Variants in RAD51B observed in about 807,000 individuals in gnomAD.
RAD51B encodes RAD51 paralog B, also known as DNA repair protein RAD51 homolog 2.
RAD51B carries 38 observed loss-of-function variants against 42.2 expected under a neutral mutation model. That is an observed-to-expected ratio of 0.90 (90% confidence interval 0.70 to 1.18). The LOEUF (loss-of-function observed/expected upper bound fraction) is 1.18, where lower values mean the gene tolerates loss of function less well. Among genes scored for constraint, RAD51B ranks in the 50% most tolerant of loss-of-function variants. The pLI is 0.00. For synonymous variants in RAD51B, 154 were observed against 145.2 expected, an observed-to-expected ratio of 1.06 and a Z score of -0.43; for missense variants, 373 against 400.7, an observed-to-expected ratio of 0.93 and a Z score of 0.59.
chr14:67,868,900 A>T (rs1188675611), intron 5 of RAD51B, among the ~76,000 whole-genome samples: 3 of 152,280 alleles, frequency 2.0e-5, no homozygotes, highest in African/African-American at 7.2e-5. Context: ...GAAAACTAAC[A>T]AACAGAAAGG....
intron 7 of RAD51B, among the ~76,000 whole-genome samples, chr14:68,116,053 A>G (rs201835596): frequency 6.6e-6 from 1 of 151,766 alleles, no homozygotes; most frequent in Non-Finnish European, 1.5e-5. Context: ...GGGTACTTAT[A>G]CCATTGAGTT....
At chr14:67,838,981 T>C (rs1302974272) in intron 4 of RAD51B, among the ~76,000 whole-genome samples, 1 of 152,156 alleles carries the variant, frequency 6.6e-6, no homozygotes, top group Non-Finnish European at 1.5e-5. Context: ...AATAGCATGG[T>C]GAGAAACATT....
chr14:68,055,546 A>G (rs2140428358), intron 7 of RAD51B, among the ~76,000 whole-genome samples: 1 of 152,316 alleles, frequency 6.6e-6, no homozygotes, highest in African/African-American at 2.4e-5. Context: ...TGTATCTTTA[A>G]TATATATCTT....
chr14:68,472,398 G>C (rs1393703090), intron 10 of RAD51B, among the ~76,000 whole-genome samples: 1 of 152,160 alleles, frequency 6.6e-6, no homozygotes, highest in Non-Finnish European at 1.5e-5. Flanking sequence ...AGCTCTCCGG[G>C]AGCCCTCCTA....
intron 7 of RAD51B, among the ~76,000 whole-genome samples, chr14:68,082,472 G>GATAC (rs1555352649): frequency 7.8e-4 from 117 of 149,384 alleles, no homozygotes; most frequent in African/African-American, 2.8e-3. Flanking sequence ...ATAGGAGAAA[G>GATAC]ATATATATAT....
intron 7 of RAD51B, among the ~76,000 whole-genome samples, chr14:68,049,262 C>A (rs1009925216): frequency 6.6e-6 from 1 of 152,026 alleles, no homozygotes; most frequent in African/African-American, 2.4e-5. Flanking sequence ...ATGTAAATGA[C>A]GAGTTAATGG....
intron 11 of RAD51B, chr14:68,682,915 T>C: frequency 1.6e-6 from 1 of 621,604 alleles, no homozygotes; most frequent in Non-Finnish European, 1.9e-6. Context: ...TATGGCTTTT[T>C]TTTTTTTTTT....
intron 7 of RAD51B, among the ~76,000 whole-genome samples, chr14:68,191,473 T>G (rs1402333278): frequency 2.0e-5 from 3 of 152,220 alleles, no homozygotes; most frequent in Non-Finnish European, 4.4e-5. Context: ...AGTCATACTC[T>G]TTTAGTTTTC....
chr14:68,265,477 C>T (rs1320497179), intron 7 of RAD51B, among the ~76,000 whole-genome samples: 13 of 152,164 alleles, frequency 8.5e-5, no homozygotes, highest in South Asian at 2.1e-4. Context: ...CGGCCAGGCG[C>T]GGTGGCTCAC....
chr14:68,490,894 G>A (rs1343447136), intron 10 of RAD51B, among the ~76,000 whole-genome samples: 1 of 152,148 alleles, frequency 6.6e-6, no homozygotes, highest in Non-Finnish European at 1.5e-5. Flanking sequence ...AAAAGGCTGA[G>A]ATAAGCAATG....
chr14:67,948,174 AT>A (rs1386339694), intron 7 of RAD51B, among the ~76,000 whole-genome samples: 1 of 152,202 alleles, frequency 6.6e-6, no homozygotes, highest in Non-Finnish European at 1.5e-5. Context: ...GTAATTTGTT[AT>A]GGTCCACAGG....
chr14:67,830,052 G>A (rs2140288286), intron 3 of RAD51B, among the ~76,000 whole-genome samples: 1 of 152,270 alleles, frequency 6.6e-6, no homozygotes, highest in African/African-American at 2.4e-5. Context: ...TATAACAGAT[G>A]CAAAGGCCCT....
intron 7 of RAD51B, among the ~76,000 whole-genome samples, chr14:68,148,807 T>C (rs192218685): frequency 1.1e-4 from 16 of 152,342 alleles, no homozygotes; most frequent in Admixed American, 9.1e-4. Context: ...TTGCATTAGA[T>C]GATTTTGTCC....
At chr14:68,227,447 C>A (rs1039276392) in intron 7 of RAD51B, among the ~76,000 whole-genome samples, 15 of 152,110 alleles carry the variant, frequency 9.9e-5, no homozygotes, top group Admixed American at 7.2e-4. Context: ...TGTGAAATGG[C>A]AGTAATACTG....
intron 7 of RAD51B, among the ~76,000 whole-genome samples, chr14:68,074,348 T>C (rs185627613): frequency 6.7e-6 from 1 of 150,046 alleles, no homozygotes; most frequent in East Asian, 1.9e-4. Context: ...TATGAAAATC[T>C]TGTAGTGAGT....
At chr14:67,930,150 GTC>G (rs2044674181) in intron 7 of RAD51B, among the ~76,000 whole-genome samples, 1 of 152,138 alleles carries the variant, frequency 6.6e-6, no homozygotes, top group Non-Finnish European at 1.5e-5. Context: ...AATTCAGAGA[GTC>G]TGTATCTTTT....
chr14:68,455,754 G>A (rs1016522728), intron 9 of RAD51B, among the ~76,000 whole-genome samples: 3 of 152,050 alleles, frequency 2.0e-5, no homozygotes, highest in East Asian at 1.9e-4. Flanking sequence ...TTTAAAAAGT[G>A]TGTTGGTAAA....
intron 9 of RAD51B, among the ~76,000 whole-genome samples, chr14:68,444,440 T>TTTTGTG (rs112036154): frequency 1.5e-3 from 226 of 150,268 alleles, no homozygotes; most frequent in Middle Eastern, 3.4e-3. Flanking sequence ...GAATTGTGAA[T>TTTTGTG]TGTGTGTGTG....
intron 5 of RAD51B, among the ~76,000 whole-genome samples, chr14:67,872,789 T>C (rs2042587309): frequency 6.7e-6 from 1 of 150,290 alleles, no homozygotes; most frequent in African/African-American, 2.4e-5. Flanking sequence ...ATGCCGCATA[T>C]CTACAACTAT....
Sources: gnomAD v4.1 joint callset for allele counts (sites outside exome capture counted in the v4.1 genomes callset) on GRCh38, gnomAD v4.1.1 for gene constraint, MANE v1.5 for transcripts, NCBI Gene and HGNC (gene_info 2026-07-23, HGNC 2026-07-21) for gene names.